The following DNAJC6 variants were observed in gnomAD, a reference collection of about 807,000 sequenced individuals.
DNAJC6 encodes DnaJ heat shock protein family (Hsp40) member C6, also known as auxilin.
In DNAJC6, 34 loss-of-function variants were observed where a neutral mutation model predicts 110.0. The ratio of observed to expected loss-of-function variants is 0.31; its 90% CI spans 0.24 to 0.41. DNAJC6 has a LOEUF of 0.41. DNAJC6 is among the 10% of genes least tolerant of loss of function. DNAJC6 has a pLI of 1.00. For missense variants in DNAJC6, 1,031 were observed against 1,207.8 expected (o/e 0.85, Z 2.17); for synonymous variants, 406 against 437.2 (o/e 0.93, Z 0.89).
rs746538116 is a variant in DNAJC6 at position 65,392,795 on chromosome 1, G to A, written c.1833G>A (p.Ala611=). 38 of 1,599,840 alleles carry A rather than the reference G, an allele frequency of 2.4e-5. No homozygotes were observed. Among genetic ancestry groups the A allele is most frequent in the South Asian group, 1.0e-4 (9 of 87,938 alleles). ...ATGTGTTTCATCCTAGTGGACCTGCGTCTACCCAGTCAACACCACGCCGCT... is the reference window on the plus strand; with the variant it reads ...ATGTGTTTCATCCTAGTGGACCTGCATCTACCCAGTCAACACCACGCCGCT... The part of the protein sequence containing the change: ...VEDVFHPSGP[A]STQSTPRRSA... Residue 611 remains alanine (A), a synonymous_variant, in exon 12 of 19, where the codon GCG becomes GCA. Coordinates refer to ENST00000371069, the MANE Select transcript of DNAJC6 (RefSeq NM_001256864.2).
At chr1:65,280,855 T>C (rs1653821143) in intron 1 of DNAJC6, among the ~76,000 whole-genome samples, 1 of 152,200 alleles carries the variant, frequency 6.6e-6, no homozygotes, top group Admixed American at 6.5e-5. Flanking sequence ...GTTAGAGTTC[T>C]GTGGAGATGT....
chr1:65,286,113 A>C (rs1654012351), intron 1 of DNAJC6, among the ~76,000 whole-genome samples: 1 of 152,214 alleles, frequency 6.6e-6, no homozygotes, highest in African/African-American at 2.4e-5. Flanking sequence ...GTCAATGAAC[A>C]TGTGCTGAAT....
At chr1:65,307,012 C>CTA (rs1458442591), upstream of DNAJC6, among the ~76,000 whole-genome samples, 264 of 79,948 alleles carry the variant, frequency 3.3e-3, no homozygotes, top group Middle Eastern at 6.7e-3. Context: ...CTCTCTCTCT[C>CTA]TCTCTCTATA....
intron 13 of DNAJC6, among the ~76,000 whole-genome samples, chr1:65,396,509 C>A (rs1645978251): frequency 6.6e-6 from 1 of 152,166 alleles, no homozygotes; most frequent in Non-Finnish European, 1.5e-5. Flanking sequence ...GCTGTTTCCT[C>A]TGCCTCATAC....
chr1:65,398,697 G>A (rs1217926224), intron 13 of DNAJC6, 116 bp from the exon 14 acceptor site: 8 of 949,652 alleles, frequency 8.4e-6, no homozygotes, highest in Non-Finnish European at 1.3e-5. Context: ...GGATATCTTG[G>A]GATCTTGCTG....
chr1:65,284,649 A>G (rs904669328), intron 1 of DNAJC6, among the ~76,000 whole-genome samples: 3 of 151,456 alleles, frequency 2.0e-5, no homozygotes, highest in African/African-American at 7.3e-5. Flanking sequence ...GTTTTCCCCA[A>G]ATTTTGGAGA....
At chr1:65,375,915 A>G (rs1264774470) in intron 4 of DNAJC6, among the ~76,000 whole-genome samples, 1 of 152,174 alleles carries the variant, frequency 6.6e-6, no homozygotes, top group Non-Finnish European at 1.5e-5. Flanking sequence ...ATGAGTTCGA[A>G]AGTATTTCCT....
At chr1:65,387,871 G>A (rs1645887335) in intron 8 of DNAJC6, among the ~76,000 whole-genome samples, 6 of 152,188 alleles carry the variant, frequency 3.9e-5, no homozygotes, top group Admixed American at 1.3e-4. Flanking sequence ...CTGCCTTTAA[G>A]GGACTCAATT....
chr1:65,283,503 G>T (rs768579598), intron 1 of DNAJC6, among the ~76,000 whole-genome samples: 1 of 152,094 alleles, frequency 6.6e-6, no homozygotes. Context: ...TTTTACTGCT[G>T]AGTAGTATTC....
At chr1:65,393,419 A>G (rs1161532777) in intron 12 of DNAJC6, among the ~76,000 whole-genome samples, 1 of 152,204 alleles carries the variant, frequency 6.6e-6, no homozygotes, top group Non-Finnish European at 1.5e-5. Flanking sequence ...CTGTTTTCCT[A>G]TAACGGCTTC....
At chr1:65,305,633 C>G (rs1645029794), upstream of DNAJC6, among the ~76,000 whole-genome samples, 4 of 152,080 alleles carry the variant, frequency 2.6e-5, no homozygotes, top group South Asian at 8.3e-4. Context: ...TCATGGGGGA[C>G]ACAAACATGA....
intron 1 of DNAJC6, among the ~76,000 whole-genome samples, chr1:65,293,623 C>T (rs923035005): frequency 3.3e-5 from 5 of 152,082 alleles, no homozygotes; most frequent in African/African-American, 1.2e-4. Flanking sequence ...ATATGGGTGG[C>T]AGCAAGTGAG....
chr1:65,300,061 A>G (rs1644964521), intron 1 of DNAJC6, among the ~76,000 whole-genome samples: 1 of 132,058 alleles, frequency 7.6e-6, no homozygotes, highest in Non-Finnish European at 1.7e-5. Flanking sequence ...AAAAAAAAAA[A>G]AAGAAAAAAA....
chr1:65,334,098 A>G (rs1458388749), intron 1 of DNAJC6, among the ~76,000 whole-genome samples: 1 of 152,238 alleles, frequency 6.6e-6, no homozygotes, highest in Non-Finnish European at 1.5e-5. Context: ...GGAGAGGATG[A>G]TAACAAAACT....
intron 6 of DNAJC6, 86 bp downstream of exon 6, chr1:65,384,412 A>T: frequency 8.0e-7 from 1 of 1,251,948 alleles, no homozygotes; most frequent in Non-Finnish European, 1.0e-6. Context: ...AAATCCTTTC[A>T]TAAGTTTCTT....
chr1:65,302,100 A>AT (rs1187942519), intron 1 of DNAJC6, among the ~76,000 whole-genome samples: 2 of 31,804 alleles, frequency 6.3e-5, no homozygotes, highest in African/African-American at 2.5e-4. Context: ...TTATATATAT[A>AT]ATATATAATA....
Position 65,372,126 on chromosome 1 carries a change from T to C in DNAJC6, c.543+5930T>C, listed in dbSNP as rs72917346. 2.6e-3 allele frequency among the ~76,000 whole-genome samples: 387 copies of C among 150,160 alleles called. 3 individuals carry two copies. The highest frequency in any genetic ancestry group is 8.8e-3 in the African/African-American group (357 of 40,402). On this transcript the variant is annotated intron_variant, in intron 4 of 18. Coordinates refer to ENST00000371069, the MANE Select transcript of DNAJC6 (RefSeq NM_001256864.2). The stretch of plus-strand genomic sequence containing the variant: ...TTAGCCAACTTTTAGCTGAGACTCA[T>C]TACAGATATTGACATTTGGGGTGTG...
intron 1 of DNAJC6, among the ~76,000 whole-genome samples, chr1:65,347,394 T>C (rs987018065): frequency 4.6e-5 from 7 of 152,092 alleles, no homozygotes; most frequent in East Asian, 1.9e-4. Context: ...TCTGGTTTTA[T>C]TGTAGATTTT....
chr1:65,315,633 T>G (rs551741311), intron 1 of DNAJC6, among the ~76,000 whole-genome samples: 1 of 152,188 alleles, frequency 6.6e-6, no homozygotes, highest in Non-Finnish European at 1.5e-5. Context: ...ACAATTTAAT[T>G]ATTATAATTC....
Sources: allele counts gnomAD v4.1 joint callset (sites outside exome capture counted in the v4.1 genomes callset), GRCh38; gene constraint gnomAD v4.1.1; transcripts MANE v1.5; gene names NCBI Gene and HGNC (gene_info 2026-07-23, HGNC 2026-07-21).